Variants in FSIP2 observed in about 807,000 individuals in gnomAD.
The protein encoded by FSIP2 is fibrous sheath interacting protein 2.
FSIP2 carries 367 observed loss-of-function variants against 510.5 expected under a neutral mutation model. The observed-to-expected ratio is 0.72, with a 90% confidence interval of 0.66 to 0.78. The LOEUF (loss-of-function observed/expected upper bound fraction) is 0.78. FSIP2 is among the 30% of genes least tolerant of loss of function. The probability of loss-of-function intolerance (pLI) is 0.00; values close to 1 mark genes in which losing one functional copy is unlikely to be tolerated. For missense variants in FSIP2, 7,594 were observed against 7,901.7 expected, an observed-to-expected ratio of 0.96 and a Z score of 1.48; for synonymous variants, 2,601 against 2,732.2, an observed-to-expected ratio of 0.95 and a Z score of 1.50.
rs1429865110 is a variant in FSIP2 at position 185,782,747 on chromosome 2, C to CTGTT, written c.1456_1459dup (p.Tyr487CysfsTer21). On this transcript the variant is annotated frameshift_variant, in exon 14 of 23. Transcript: ENST00000424728. LOFTEE classifies it high-confidence loss of function. The stretch of plus-strand genomic sequence containing the variant: ...ACAGACCCGGGTATATTTTCTTCTC[C>CTGTT]TGTTTACACAAATATGTAAGTACCT... 3.3e-6 allele frequency: 5 copies of CTGTT among 1,499,446 alleles called. No homozygotes were observed. The African/African-American group carries it at 6.9e-5, about 21-fold the overall frequency. 92.9% of individuals were successfully genotyped at this position (1,499,446 alleles called of 1,614,324 possible).
intron 2 of FSIP2, 78 bp from the exon 3 acceptor site, chr2:185,743,055 G>T: frequency 9.8e-7 from 1 of 1,021,826 alleles, no homozygotes; most frequent in South Asian, 2.1e-5. Flanking sequence ...TATTTTCAAT[G>T]AACATTCTAA....
intron 19 of FSIP2, among the ~76,000 whole-genome samples, chr2:185,821,804 T>C (rs565190956): frequency 6.6e-6 from 1 of 151,842 alleles, no homozygotes; most frequent in Non-Finnish European, 1.5e-5. Context: ...TGTGCACCTA[T>C]GGTCCCAGCT....
In FSIP2 at chr2:185,743,125, G is replaced by T; in HGVS notation, c.226-8G>T. ...TAATTTTACATATTTTTGAATCTGT[G>T]TTTGCAGCTTTTTCGACCTTCTTAT... On this transcript the variant is annotated splice_polypyrimidine_tract_variant and splice_region_variant and intron_variant, in intron 2 of 22. Transcript: ENST00000424728. The T allele has an allele frequency of 6.9e-7, 1 of 1,452,058 alleles. No individual in the cohort carries two copies. The highest frequency in any genetic ancestry group is 9.0e-7 in the Non-Finnish European group (1 of 1,109,240). 89.9% of individuals were successfully genotyped at this position (1,452,058 alleles called of 1,614,324 possible).
chr2:185,788,607 T>C (rs1176073330), intron 15 of FSIP2, 36 bp from the exon 16 acceptor site: 4 of 1,400,982 alleles, frequency 2.9e-6, no homozygotes, highest in East Asian at 5.0e-5. Context: ...AGTTGTTACA[T>C]GACTTTATTT....
In FSIP2 at chr2:185,789,949, T is replaced by C; in HGVS notation, c.2813T>C (p.Leu938Pro). 2.0e-6 allele frequency: 3 copies of C among 1,534,390 alleles called. No homozygotes were observed. Among genetic ancestry groups the C allele is most frequent in the Non-Finnish European group, 2.6e-6 (3 of 1,145,736 alleles). Residue 938 changes from leucine to proline, a missense_variant, in exon 16 of 23, where the codon CTT becomes CCT. Leu to Pro is a moderately conservative substitution (Grantham distance 98, BLOSUM62 -3). Coordinates refer to ENST00000424728, the MANE Select transcript of FSIP2 (RefSeq NM_173651.4). ...SEETVVLLQLLEDILFQLHQE... is the reference protein window; with the variant it reads ...SEETVVLLQLPEDILFQLHQE... ...GAAACCGTAGTACTCCTTCAGCTAC[T>C]TGAGGACATCCTTTTTCAGCTCCAT...
Position 185,792,660 on chromosome 2 carries a change from G to A in FSIP2, c.5524G>A (p.Val1842Ile). The A allele has an allele frequency of 2.0e-6, 3 of 1,533,512 alleles. No homozygotes were observed. The highest frequency in any genetic ancestry group is 2.4e-5 in the South Asian group (2 of 84,000). The allele number at this position is 1,533,512 out of a possible 1,614,324, so 95.0% of individuals were successfully genotyped here. A position where few individuals can be genotyped will look rare whatever the true frequency, so the allele number is the denominator to read the frequency against. The change falls in exon 16 of 23, where the codon GTA becomes ATA. Residue 1842 changes from valine (V) to isoleucine (I), a missense_variant. Physicochemically the swap from Val to Ile is conservative, Grantham distance 29. Coordinates refer to ENST00000424728, the MANE Select transcript of FSIP2 (RefSeq NM_173651.4). ...ACTTTCGGAAGCAGATATAACCATA[G>A]TAACAGATAATATTGTTAGGACTGT... is the stretch of plus-strand genomic sequence containing the variant. The part of the protein sequence containing the change: ...PLLSEADITI[V>I]TDNIVRTVFH...
At position 185,789,791 on chromosome 2, in the gene FSIP2, T is replaced by C; in HGVS notation, c.2655T>C (p.Asn885=). 2 of 1,533,996 alleles carry C rather than the reference T, an allele frequency of 1.3e-6. No individual in the cohort carries two copies. Among genetic ancestry groups the C allele is most frequent in the Non-Finnish European group, 1.7e-6 (2 of 1,145,450 alleles). ...LESDEASLIV[N]EEVQNLISNI... ...CTGATGAAGCTAGTTTAATTGTCAA[T>C]GAAGAAGTACAAAATTTAATATCAA... The change falls in exon 16 of 23, where the codon AAT becomes AAC. Residue 885 remains asparagine (N), a synonymous_variant. Transcript: ENST00000424728.
chr2:185,752,044 T>C (rs1379466356), intron 7 of FSIP2, among the ~76,000 whole-genome samples: 2 of 150,908 alleles, frequency 1.3e-5, no homozygotes, highest in African/African-American at 4.8e-5. Context: ...TTTTTTTGTA[T>C]ACCCATATTT....
At position 185,807,152 on chromosome 2, in the gene FSIP2, T is replaced by C; in HGVS notation, c.17846T>C (p.Leu5949Pro). The change falls in exon 17 of 23, where the codon CTA (leucine) becomes CCA (proline). Residue 5949 changes from leucine to proline, a missense_variant. By Grantham distance (98) the Leu-to-Pro change is moderately conservative. Transcript: ENST00000424728. ...AATGGAGAAAATTTAGCAAGAAGACTAACTAGTGCAGTGATAAATGAAATT... is the reference window on the plus strand; with the variant it reads ...AATGGAGAAAATTTAGCAAGAAGACCAACTAGTGCAGTGATAAATGAAATT... ...NSNGENLARR[L>P]TSAVINEIFQ... 1 of 1,602,186 alleles carries C rather than the reference T, an allele frequency of 6.2e-7. No homozygotes were observed. Among genetic ancestry groups the C allele is most frequent in the Non-Finnish European group, 8.5e-7 (1 of 1,175,884 alleles).
chr2:185,804,014 T>C lies in FSIP2; in HGVS notation c.14708T>C (p.Ile4903Thr), dbSNP rs1481033122. Residue 4903 changes from isoleucine (I) to threonine (T), a missense_variant, in exon 17 of 23, where the codon ATC (isoleucine) becomes ACC (threonine). By Grantham distance (89) the Ile-to-Thr change is moderately conservative. Transcript: ENST00000424728. Reference protein sequence around the residue: ...SKIASFIIKEIFNHHIQSFLS... With the variant: ...SKIASFIIKETFNHHIQSFLS... ...ATAGCGAGTTTTATAATAAAAGAAA[T>C]CTTTAACCATCATATTCAATCATTT... 1.3e-6 allele frequency: 2 copies of C among 1,498,668 alleles called. No individual in the cohort carries two copies. Among genetic ancestry groups the C allele is most frequent in the Non-Finnish European group, 1.8e-6 (2 of 1,128,430 alleles). The allele number at this position is 1,498,668 out of a possible 1,614,324, so 92.8% of individuals were successfully genotyped here. A position where few individuals can be genotyped will look rare whatever the true frequency, so the allele number is the denominator to read the frequency against.
rs1362536659 is a variant in FSIP2, at chr2:185,792,734, A to G, written c.5598A>G (p.Glu1866=). The G allele has an allele frequency of 1.3e-6, 2 of 1,534,004 alleles. No individual in the cohort carries two copies. The highest frequency in any genetic ancestry group is 2.4e-5 in the South Asian group (2 of 84,020). The change falls in exon 16 of 23, where the codon GAA becomes GAG. Residue 1866 remains glutamate, a synonymous_variant. Transcript: ENST00000424728. ...CCATGACAGAAAGAAATGTAAGGGA[A>G]AATAGGTATAAAACTATCACTTTTT... The part of the protein sequence containing the change: ...SAAMTERNVR[E]NRYKTITFSA...
In FSIP2 at chr2:185,801,305, T is replaced by G; in HGVS notation, c.11999T>G (p.Val4000Gly). 1 of 1,533,622 alleles carries G rather than the reference T, an allele frequency of 6.5e-7. No homozygotes were observed. Reference sequence around the variant, plus strand: ...TGGGGCAAAAATAAAAACATCACTGTGTCCTGGCTCAATGAGATGAATACA... The same window carrying G: ...TGGGGCAAAAATAAAAACATCACTGGGTCCTGGCTCAATGAGATGAATACA... ...SLWGKNKNIT[V>G]SWLNEMNTLF... Residue 4000 changes from valine (V) to glycine (G), a missense_variant, in exon 17 of 23, where the codon GTG (valine) becomes GGG (glycine). Val to Gly is a moderately radical substitution (Grantham distance 109). Transcript: ENST00000424728.
chr2:185,786,396 T>C, intron 15 of FSIP2, 108 bp downstream of exon 15: 2 of 708,272 alleles, frequency 2.8e-6, no homozygotes, highest in Non-Finnish European at 4.6e-6. Flanking sequence ...TCCATTGATA[T>C]TTGTTAGGCT....
chr2:185,753,220 A>G (rs935179078), intron 7 of FSIP2, among the ~76,000 whole-genome samples: 2 of 151,248 alleles, frequency 1.3e-5, no homozygotes, highest in South Asian at 2.1e-4. Context: ...ACATATGCTA[A>G]TCCATTTTCT....
At chr2:185,831,675 T>C (rs1399459725) in intron 21 of FSIP2, 138 bp from the exon 22 acceptor site, 1 of 624,884 alleles carries the variant, frequency 1.6e-6, no homozygotes, top group African/African-American at 1.8e-5. Flanking sequence ...TCTTTGAGAC[T>C]GCAGAGCACA....
chr2:185,762,890 G>A (rs1387938002), intron 11 of FSIP2, among the ~76,000 whole-genome samples: 1 of 151,310 alleles, frequency 6.6e-6, no homozygotes, highest in East Asian at 1.9e-4. Context: ...TAATTCTAGC[G>A]GTAGGCTGTG....
At position 185,822,033 on chromosome 2, in the gene FSIP2, A is replaced by G. The variant is rs373371925; in HGVS notation, c.20427-2401A>G. On this transcript the variant is annotated intron_variant, in intron 19 of 22. Transcript: ENST00000424728. Reference sequence around the variant, plus strand: ...AAAGTTAAATAGTTTACATGGATAAAAGGACTCAGCAGAGCAGGAAGAGAA... The same window carrying G: ...AAAGTTAAATAGTTTACATGGATAAGAGGACTCAGCAGAGCAGGAAGAGAA... Among the ~76,000 whole-genome samples the G allele has an allele frequency of 3.9e-5, 6 of 152,142 alleles. No homozygotes were observed. The East Asian group carries it at 9.7e-4, about 25-fold the overall frequency.
chr2:185,756,562 C>A (rs1213794323), intron 9 of FSIP2, among the ~76,000 whole-genome samples: 1 of 151,272 alleles, frequency 6.6e-6, no homozygotes, highest in African/African-American at 2.4e-5. Flanking sequence ...GCATGCCTAC[C>A]AACTTGCAGA....
At chr2:185,782,587 C>G (rs1481922573) in intron 13 of FSIP2, 118 bp from the exon 14 acceptor site, 10 of 680,014 alleles carry the variant, frequency 1.5e-5, no homozygotes, top group Non-Finnish European at 2.3e-5. Flanking sequence ...TGGAGAGTCC[C>G]TGAAAGCCTG....
Sources: allele counts gnomAD v4.1 joint callset (sites outside exome capture counted in the v4.1 genomes callset), GRCh38; gene constraint gnomAD v4.1.1; transcripts MANE v1.5; gene names NCBI Gene and HGNC (gene_info 2026-07-23, HGNC 2026-07-21).